Variants in PIK3CA observed in about 807,000 individuals in gnomAD.
PIK3CA encodes phosphatidylinositol-4,5-bisphosphate 3-kinase catalytic subunit alpha.
A neutral mutation model predicts 138.2 loss-of-function variants in PIK3CA; 27 were observed. The observed-to-expected ratio is 0.20, with a 90% CI of 0.14 to 0.27. PIK3CA has a LOEUF of 0.27. Among genes scored for constraint, PIK3CA ranks in the 10% least tolerant of loss-of-function variants. The pLI is 1.00. For synonymous variants in PIK3CA, 358 were observed against 413.2 expected (o/e 0.87, Z 1.62); for missense variants, 544 against 1,277.4 (o/e 0.43, Z 8.75).
intron 9 of PIK3CA, among the ~76,000 whole-genome samples, chr3:179,215,851 ATAG>A (rs1724824552): frequency 6.6e-6 from 1 of 152,206 alleles, no homozygotes; most frequent in African/African-American, 2.4e-5. Flanking sequence ...ATGTAGATAG[ATAG>A]TAGCAGCCTA....
At position 179,230,394 on chromosome 3, in the gene PIK3CA, AAAACAC is replaced by A; in HGVS notation, c.2936+22_2936+27del. The A allele has an allele frequency of 6.4e-7, 1 of 1,568,490 alleles. No individual in the cohort carries two copies. The highest frequency in any genetic ancestry group is 2.2e-5 in the East Asian group (1 of 44,630). ...TTTGAGAGGTGAGCTCGAGCAATTA[AAAACAC>A]AAAATAAAGAGTTCTGGCTGCTCTA... On this transcript the variant is annotated intron_variant, in intron 20 of 20. Transcript: ENST00000263967. This position sits in a 1 kb window ranked among gnomAD's most constrained non-coding sequence, Gnocchi z 5.4.
In PIK3CA at chr3:179,239,519, C is replaced by G; in HGVS notation, c.*5155C>G. On this transcript the variant is annotated 3_prime_UTR_variant, in exon 21 of 21. Transcript: ENST00000263967. ...TATGTTCCTAAGAGAGGTTGGAGAA[C>G]TTGGCCTTCATCTGATTTCAAAAAT... is the stretch of plus-strand genomic sequence containing the variant. 1 of 215,226 alleles carries G rather than the reference C, an allele frequency of 4.6e-6. No homozygotes were observed. The highest frequency in any genetic ancestry group is 9.4e-6 in the Non-Finnish European group (1 of 106,780). 13.3% of individuals were successfully genotyped at this position (215,226 alleles called of 1,614,324 possible). A position where few individuals can be genotyped will look rare whatever the true frequency, so the allele number is the denominator to read the frequency against.
rs563084249 is a variant in PIK3CA, at chr3:179,233,167, G to C, written c.2937-927G>C. The C allele has an allele frequency of 3.3e-5, 13 of 395,126 alleles. No homozygotes were observed. The East Asian group carries it at 4.7e-4, about 14-fold the overall frequency. The allele number at this position is 395,126 out of a possible 1,614,324, so 24.5% of individuals were successfully genotyped here. ...AGCCACCACACCTGGCTGAAATCTA[G>C]GAATTTTTTGGAGAACTCTTGGGTT... On this transcript the variant is annotated intron_variant, in intron 20 of 20. Transcript: ENST00000263967.
intron 1 of PIK3CA, among the ~76,000 whole-genome samples, chr3:179,188,409 T>C (rs1179879721): frequency 6.6e-6 from 1 of 152,230 alleles, no homozygotes; most frequent in Non-Finnish European, 1.5e-5. Context: ...AATAAATGAA[T>C]TGGAGACCAA....
At chr3:179,198,556 A>G (rs920106636) in intron 1 of PIK3CA, among the ~76,000 whole-genome samples, 194 bp from the exon 2 acceptor site, 2 of 152,218 alleles carry the variant, frequency 1.3e-5, no homozygotes, top group Non-Finnish European at 1.5e-5. Context: ...GGTTTTTCTA[A>G]TCTCTGCTGA....
At chr3:179,165,268 C>G (rs1174615542) in intron 1 of PIK3CA, among the ~76,000 whole-genome samples, 1 of 152,158 alleles carries the variant, frequency 6.6e-6, no homozygotes, top group Non-Finnish European at 1.5e-5. Context: ...TCCTTATGAC[C>G]TATATTGATG....
intron 3 of PIK3CA, among the ~76,000 whole-genome samples, chr3:179,201,086 A>G (rs571396468): frequency 2.0e-5 from 3 of 152,316 alleles, no homozygotes; most frequent in East Asian, 1.9e-4. Context: ...TGCTTGTCAT[A>G]AAACATGAGA....
At chr3:179,187,258 C>T (rs772645438) in intron 1 of PIK3CA, among the ~76,000 whole-genome samples, 170 of 152,044 alleles carry the variant, frequency 1.1e-3, no homozygotes, top group African/African-American at 4.0e-3. Context: ...GAAAGGGAGG[C>T]CGGGTGCGGT....
In PIK3CA at chr3:179,236,630, T is replaced by C. The variant is rs1049358558; in HGVS notation, c.*2266T>C. On this transcript the variant is annotated 3_prime_UTR_variant, in exon 21 of 21. Transcript: ENST00000263967. ...TTGCATTTTTATCTATCAGTCCAGA[T>C]AGTTGTCTCCCCTCCTTCTCCCAGG... is the stretch of plus-strand genomic sequence containing the variant. 13 of 226,954 alleles carry C rather than the reference T, an allele frequency of 5.7e-5. No homozygotes were observed. The highest frequency in any genetic ancestry group is 4.6e-4 in the Admixed American group (8 of 17,448). The allele number at this position is 226,954 out of a possible 1,614,324, so 14.1% of individuals were successfully genotyped here.
chr3:179,230,845 T>G lies in PIK3CA; in HGVS notation c.2936+469T>G, dbSNP rs2108426048. ...TTTTATTCTATCTTATTTCAATAGC[T>G]TTTGGGGTACACGTGGTTTTTGATT... On this transcript the variant is annotated intron_variant, in intron 20 of 20. Transcript: ENST00000263967. The surrounding 1 kb of genome is among the most constrained non-coding windows in gnomAD (Gnocchi z 5.4). Among the ~76,000 whole-genome samples the G allele has an allele frequency of 6.6e-6, 1 of 152,318 alleles. No individual in the cohort carries two copies. Among genetic ancestry groups the G allele is most frequent in the South Asian group, 2.1e-4 (1 of 4,818 alleles).
At chr3:179,174,223 C>T (rs1723638441) in intron 1 of PIK3CA, among the ~76,000 whole-genome samples, 1 of 151,976 alleles carries the variant, frequency 6.6e-6, no homozygotes, top group Non-Finnish European at 1.5e-5. Flanking sequence ...GTAATCCCAG[C>T]ACTTTGGGAG....
chr3:179,149,147 C>G (rs1283541543), intron 1 of PIK3CA, among the ~76,000 whole-genome samples: 1 of 152,204 alleles, frequency 6.6e-6, no homozygotes. Context: ...AACACCGCTC[C>G]CCTCACCCCC....
Position 179,218,317 on chromosome 3 carries a change from T to A in PIK3CA, c.1647T>A (p.Asp549Glu), listed in dbSNP as rs2108408428. The stretch of plus-strand genomic sequence containing the variant: ...CTGAAATCACTGAGCAGGAGAAAGA[T>A]TTTCTATGGAGTCACAGGTAAGTGC... ...PLSEITEQEK[D>E]FLWSHRHYCV... Residue 549 changes from aspartate (D) to glutamate (E), a missense_variant, in exon 10 of 21, where the codon GAT becomes GAA. Coordinates refer to ENST00000263967, the MANE Select transcript of PIK3CA (RefSeq NM_006218.4). 1 of 1,610,304 alleles carries A rather than the reference T, an allele frequency of 6.2e-7. No homozygotes were observed.
At position 179,203,626 on chromosome 3, in the gene PIK3CA, T is replaced by C. The variant is rs1576934637; in HGVS notation, c.896T>C (p.Met299Thr). 2 of 1,614,018 alleles carry C rather than the reference T, an allele frequency of 1.2e-6. No homozygotes were observed. The highest frequency in any genetic ancestry group is 1.7e-6 in the Non-Finnish European group (2 of 1,179,954). ...GAAAGCCTTTATTCTCAACTGCCAA[T>C]GGACTGTTTTACAATGCCATCTTAT... is the stretch of plus-strand genomic sequence containing the variant. ...AKESLYSQLPMDCFTMPSYSR... is the reference protein window; with the variant it reads ...AKESLYSQLPTDCFTMPSYSR... Residue 299 changes from methionine to threonine, a missense_variant, in exon 5 of 21, where the codon ATG (methionine) becomes ACG (threonine). Physicochemically the swap from Met to Thr is moderately conservative, Grantham distance 81. Coordinates refer to ENST00000263967, the MANE Select transcript of PIK3CA (RefSeq NM_006218.4).
At chr3:179,187,859 G>A (rs368467208) in intron 1 of PIK3CA, among the ~76,000 whole-genome samples, 2 of 152,042 alleles carry the variant, frequency 1.3e-5, no homozygotes, top group East Asian at 2.0e-4. Context: ...GGCTGGTCTC[G>A]ATCTCCTGAC....
intron 1 of PIK3CA, among the ~76,000 whole-genome samples, chr3:179,151,251 T>C (rs926850433): frequency 6.6e-6 from 1 of 152,224 alleles, no homozygotes. Flanking sequence ...AGAAATGGTA[T>C]TCTAATCTGA....
intron 15 of PIK3CA, among the ~76,000 whole-genome samples, chr3:179,224,459 G>A (rs184611151): frequency 4.6e-4 from 68 of 147,008 alleles, no homozygotes; most frequent in Non-Finnish European, 3.7e-4. Context: ...TGTAATATCT[G>A]TAAAACTAAT....
intron 6 of PIK3CA, among the ~76,000 whole-genome samples, chr3:179,208,116 C>A (rs1041914204): frequency 1.5e-4 from 23 of 151,924 alleles, no homozygotes; most frequent in Non-Finnish European, 2.8e-4. Context: ...GAATTCTTGC[C>A]ACATTTCCCC....
At chr3:179,151,498 G>A (rs1410071434) in intron 1 of PIK3CA, among the ~76,000 whole-genome samples, 1 of 152,136 alleles carries the variant, frequency 6.6e-6, no homozygotes, top group Non-Finnish European at 1.5e-5. Context: ...GAATAATCTA[G>A]GGAGCTTTTT....
Sources: allele counts gnomAD v4.1 joint callset (sites outside exome capture counted in the v4.1 genomes callset), GRCh38; gene constraint gnomAD v4.1.1; non-coding constraint Gnocchi (gnomAD v3.1); transcripts MANE v1.5; gene names NCBI Gene and HGNC (gene_info 2026-07-23, HGNC 2026-07-21).